The following MYBPC1 variants were observed in gnomAD, a reference collection of about 807,000 sequenced individuals.
MYBPC1 encodes the protein myosin binding protein C1.
A neutral mutation model predicts 147.1 loss-of-function variants in MYBPC1; 52 were observed. The observed-to-expected ratio is 0.35, with a 90% CI of 0.28 to 0.45. The LOEUF is 0.45. Ranked by LOEUF, MYBPC1 falls within the 20% of genes least tolerant of loss-of-function variation. MYBPC1 has a pLI of 1.00. For missense variants in MYBPC1, 1,228 were observed against 1,440.3 expected (o/e 0.85, Z 2.39); for synonymous variants, 477 against 475.9 (o/e 1.00, Z -0.03).
At chr12:101,630,469 G>T (rs1003342040) in intron 6 of MYBPC1, among the ~76,000 whole-genome samples, 1 of 152,098 alleles carries the variant, frequency 6.6e-6, no homozygotes, top group Non-Finnish European at 1.5e-5. Flanking sequence ...ACAAGAATAG[G>T]ACCTAGCTGT....
intron 20 of MYBPC1, among the ~76,000 whole-genome samples, chr12:101,661,662 G>A (rs984426943): frequency 2.0e-5 from 3 of 152,064 alleles, no homozygotes; most frequent in Non-Finnish European, 4.4e-5. Flanking sequence ...GCCTAGGTGG[G>A]TGGATCACTT....
At chr12:101,597,436 G>T (rs952388223) in intron 1 of MYBPC1, among the ~76,000 whole-genome samples, 10 of 152,252 alleles carry the variant, frequency 6.6e-5, no homozygotes, top group African/African-American at 2.2e-4. Flanking sequence ...CCTCAAAAGA[G>T]GCTGAGTTTT....
intron 2 of MYBPC1, chr12:101,614,789 T>C (rs1885443555): frequency 1.8e-6 from 1 of 553,726 alleles, no homozygotes; most frequent in Admixed American, 3.1e-5. Context: ...TTTCAAATTA[T>C]GTAAAAGTTA....
chr12:101,688,793 T>A (rs764970802), downstream of MYBPC1, among the ~76,000 whole-genome samples: 12 of 151,626 alleles, frequency 7.9e-5, no homozygotes, highest in Non-Finnish European at 1.0e-4. Context: ...AAACCCCATC[T>A]CTACAAAAAA....
chr12:101,607,309 A>G (rs912886871), intron 1 of MYBPC1, among the ~76,000 whole-genome samples: 5 of 152,180 alleles, frequency 3.3e-5, no homozygotes, highest in African/African-American at 4.8e-5. Flanking sequence ...TGTTTATTAC[A>G]TATTTAATCT....
intron 13 of MYBPC1, among the ~76,000 whole-genome samples, 161 bp from the exon 14 acceptor site, chr12:101,647,884 C>T (rs1304315592): frequency 1.3e-5 from 2 of 152,170 alleles, no homozygotes; most frequent in African/African-American, 4.8e-5. Flanking sequence ...GAGACTCTGT[C>T]TCAAAACAAG....
chr12:101,688,717 T>G (rs1226110032), downstream of MYBPC1, among the ~76,000 whole-genome samples: 1 of 144,770 alleles, frequency 6.9e-6, no homozygotes, highest in Non-Finnish European at 1.6e-5. Flanking sequence ...TCCCGGCACT[T>G]TGGGAGACCA....
intron 11 of MYBPC1, among the ~76,000 whole-genome samples, 181 bp from the exon 12 acceptor site, chr12:101,644,483 C>G (rs1259932723): frequency 1.3e-5 from 2 of 152,180 alleles, no homozygotes; most frequent in African/African-American, 4.8e-5. Flanking sequence ...TTTAAACCAT[C>G]TTATTGTATA....
chr12:101,626,042 C>A (rs865879295), intron 3 of MYBPC1, among the ~76,000 whole-genome samples: 33 of 138,524 alleles, frequency 2.4e-4, no homozygotes, highest in African/African-American at 8.3e-4. Context: ...GAGCCAAGAT[C>A]ACGCCATTGC....
At chr12:101,660,063 C>T (rs1361775591) in intron 19 of MYBPC1, 1 of 560,038 alleles carries the variant, frequency 1.8e-6, no homozygotes, top group Non-Finnish European at 3.2e-6. Context: ...GCCCTTTAAA[C>T]ATCACTGAAA....
rs750371111 is a variant in MYBPC1, at chr12:101,651,318, A to G, written c.1451A>G (p.Asn484Ser). 2 of 1,614,136 alleles carry G rather than the reference A, an allele frequency of 1.2e-6. No individual in the cohort carries two copies. The highest frequency in any genetic ancestry group is 1.7e-5 in the Admixed American group (1 of 60,016). The part of the protein sequence containing the change: ...EICLKCEISE[N>S]IPGKWTKNGL... Reference sequence around the variant, plus strand: ...TGCCTGAAGTGTGAAATCTCTGAAAACATACCAGGAAAATGGACTAAAAAT... The same window carrying G: ...TGCCTGAAGTGTGAAATCTCTGAAAGCATACCAGGAAAATGGACTAAAAAT... The change falls in exon 16 of 32, where the codon AAC becomes AGC. Residue 484 changes from asparagine (N) to serine (S), a missense_variant. Coordinates refer to ENST00000361466, the MANE Select transcript of MYBPC1 (RefSeq NM_002465.4).
intron 23 of MYBPC1, 22 bp from the exon 24 acceptor site, chr12:101,670,299 G>C: frequency 6.3e-7 from 1 of 1,597,510 alleles, no homozygotes; most frequent in South Asian, 1.1e-5. Context: ...TTGCAAAATT[G>C]TGCTATTTTA....
intron 22 of MYBPC1, among the ~76,000 whole-genome samples, chr12:101,665,674 A>C (rs981510385): frequency 1.3e-5 from 2 of 152,132 alleles, no homozygotes; most frequent in Non-Finnish European, 2.9e-5. Context: ...TCCAATGTGA[A>C]GAGATGGGCT....
At chr12:101,626,826 A>C (rs1047118483) in intron 3 of MYBPC1, 46 bp from the exon 4 acceptor site, 1 of 1,487,848 alleles carries the variant, frequency 6.7e-7, no homozygotes, top group African/African-American at 1.4e-5. Flanking sequence ...GTTACTTGGG[A>C]TGAAGTCTTT....
In MYBPC1 at chr12:101,685,739, G is replaced by A. The variant is rs1455994276; in HGVS notation, c.*177G>A. ...TGCTGCTTTGAAATCTGGTTGAAATGAGAAAAAGCATTTTCTGTTTTCCCA... is the reference window on the plus strand; with the variant it reads ...TGCTGCTTTGAAATCTGGTTGAAATAAGAAAAAGCATTTTCTGTTTTCCCA... On this transcript the variant is annotated 3_prime_UTR_variant, in exon 32 of 32. Transcript: ENST00000361466. The A allele has an allele frequency of 1.6e-6, 2 of 1,273,606 alleles. No homozygotes were observed. Among genetic ancestry groups the A allele is most frequent in the Non-Finnish European group, 2.1e-6 (2 of 935,828 alleles). The allele number at this position is 1,273,606 out of a possible 1,614,324, so 78.9% of individuals were successfully genotyped here.
At chr12:101,626,999 G>T in intron 4 of MYBPC1, 89 bp downstream of exon 4, 1 of 1,248,644 alleles carries the variant, frequency 8.0e-7, no homozygotes, top group South Asian at 1.2e-5. Context: ...CCTCCTTGCT[G>T]AGTCAGTGCA....
rs34380289 is a variant in MYBPC1 at position 101,641,115 on chromosome 12, G to GAAAAA, written c.666-1289_666-1285dup. Among the ~76,000 whole-genome samples the GAAAAA allele has an allele frequency of 1.1e-3, 121 of 105,272 alleles. 1 individual carries two copies. The highest frequency in any genetic ancestry group is 5.5e-3 in the East Asian group (21 of 3,806). 69.1% of individuals were successfully genotyped at this position (105,272 alleles called of 152,430 possible). A position where few individuals can be genotyped will look rare whatever the true frequency, so the allele number is the denominator to read the frequency against. On this transcript the variant is annotated intron_variant, in intron 10 of 31. Transcript: ENST00000361466. ...CAACAGAGTGAGACTCTGTCTCAAA[G>GAAAAA]AAAAAAAAAAAAAAAAAAAGAAGGC...
intron 1 of MYBPC1, among the ~76,000 whole-genome samples, chr12:101,597,197 C>A (rs825037): frequency 0.64 from 96,689 of 152,090 alleles, 33,265 homozygotes; most frequent in African/African-American, 0.91. Context: ...GCATATAAGC[C>A]TCCCTCTGAA....
intron 1 of MYBPC1, among the ~76,000 whole-genome samples, chr12:101,597,281 G>A (rs1593551680): frequency 6.6e-6 from 1 of 152,208 alleles, no homozygotes. Flanking sequence ...CAAAGAACAG[G>A]CTCCTCCAGC....
Sources: allele counts gnomAD v4.1 joint callset (sites outside exome capture counted in the v4.1 genomes callset), GRCh38; gene constraint gnomAD v4.1.1; transcripts MANE v1.5; gene names NCBI Gene and HGNC (gene_info 2026-07-23, HGNC 2026-07-21).